The following RHBDF2 variants were observed in gnomAD, a reference collection of about 807,000 sequenced individuals.
RHBDF2 encodes inactive rhomboid protein 2.
RHBDF2 carries 38 observed loss-of-function variants against 95.2 expected under a neutral mutation model. The observed-to-expected ratio is 0.40, with a 90% confidence interval of 0.31 to 0.52. The LOEUF (loss-of-function observed/expected upper bound fraction) is 0.52, where lower values mean the gene tolerates loss of function less well. Ranked by LOEUF, RHBDF2 falls within the 20% of genes least tolerant of loss-of-function variation. The pLI, the probability that RHBDF2 is intolerant of heterozygous loss-of-function variation, is 0.56. For synonymous variants in RHBDF2, 442 were observed against 462.0 expected, an observed-to-expected ratio of 0.96 and a Z score of 0.55; for missense variants, 863 against 1,137.7, an observed-to-expected ratio of 0.76 and a Z score of 3.47.
chr17:76,490,911 T>C (rs1026728912), intron 1 of RHBDF2, among the ~76,000 whole-genome samples: 4 of 152,096 alleles, frequency 2.6e-5, no homozygotes, highest in South Asian at 2.1e-4. Context: ...TTTACCTACA[T>C]GTAGGAGTCC....
Position 76,471,723 on chromosome 17 carries a change from G to T in RHBDF2, c.2394C>A (p.Pro798=). Residue 798 remains proline, a synonymous_variant, in exon 19 of 19, where the codon CCC becomes CCA. Transcript: ENST00000675367. ...AALVLWLYIY[P]INWPWIEHLT... ...GGTGCTCGATCCAGGGCCAGTTAATGGGGTAGATGTACAGCCACAGCACGA... is the reference window on the plus strand; with the variant it reads ...GGTGCTCGATCCAGGGCCAGTTAATTGGGTAGATGTACAGCCACAGCACGA... The T allele has an allele frequency of 6.2e-7, 1 of 1,611,268 alleles. No homozygotes were observed. Among genetic ancestry groups the T allele is most frequent in the Non-Finnish European group, 8.5e-7 (1 of 1,178,888 alleles).
Position 76,473,039 on chromosome 17 carries a change from A to G in RHBDF2, c.1876T>C (p.Tyr626His), listed in dbSNP as rs757896755. 2 of 1,614,120 alleles carry G rather than the reference A, an allele frequency of 1.2e-6. No homozygotes were observed. Among genetic ancestry groups the G allele is most frequent in the Middle Eastern group, 1.7e-4 (1 of 6,058 alleles). ...AGGAAGAGAGACAGCCAGAGCCTGT[A>G]GAACTGATCTGGGACCTCAGGGTTG... is the stretch of plus-strand genomic sequence containing the variant. ...FLNPEVPDQF[Y>H]RLWLSLFLHA... The change falls in exon 17 of 19, where the codon TAC becomes CAC. Residue 626 changes from tyrosine to histidine, a missense_variant. Tyr to His is a moderately conservative substitution (Grantham distance 83). This residue lies in a region of RHBDF2 where 252 missense variants were observed against 412.2 expected (regional missense o/e 0.61). Transcript: ENST00000675367.
intron 2 of RHBDF2, among the ~76,000 whole-genome samples, chr17:76,483,074 C>T (rs541479303): frequency 6.6e-6 from 1 of 151,358 alleles, no homozygotes; most frequent in African/African-American, 2.4e-5. Flanking sequence ...GAGGCTGAGG[C>T]AGGAGAATCA....
At chr17:76,482,946 G>C (rs1391909123) in intron 2 of RHBDF2, among the ~76,000 whole-genome samples, 2 of 152,062 alleles carry the variant, frequency 1.3e-5, no homozygotes, top group East Asian at 3.9e-4. Context: ...AAGGTGGATG[G>C]ATCACTTAAG....
At chr17:76,480,531 T>C (rs1412789455) in intron 3 of RHBDF2, among the ~76,000 whole-genome samples, 2 of 152,080 alleles carry the variant, frequency 1.3e-5, no homozygotes, top group Admixed American at 6.6e-5. Context: ...ATTACAGGCA[T>C]GTGCCACCAC....
chr17:76,476,678 A>G, intron 9 of RHBDF2, 152 bp downstream of exon 9: 1 of 1,183,836 alleles, frequency 8.4e-7, no homozygotes, highest in Non-Finnish European at 1.1e-6. Flanking sequence ...AACCCTTGGG[A>G]CAGGGTGCGC....
chr17:76,473,058 A>G lies in RHBDF2; in HGVS notation c.1857T>C (p.Pro619=). 6.2e-7 allele frequency: 1 copy of G among 1,614,154 alleles called. No individual in the cohort carries two copies. The change falls in exon 17 of 19, where the codon CCT becomes CCC. Residue 619 remains proline (P), a synonymous_variant. Coordinates refer to ENST00000675367, the MANE Select transcript of RHBDF2 (RefSeq NM_001005498.4). ...KVCGLLPFLN[P]EVPDQFYRLW... is the part of the protein sequence containing the mutation. Reference sequence around the variant, plus strand: ...GCCTGTAGAACTGATCTGGGACCTCAGGGTTGAGGAAGGGCAGCAGCCCAC... The same window carrying G: ...GCCTGTAGAACTGATCTGGGACCTCGGGGTTGAGGAAGGGCAGCAGCCCAC...
Position 76,471,361 on chromosome 17 carries a change from A to G in RHBDF2, c.*272T>C, listed in dbSNP as rs1347074858. 2 of 474,810 alleles carry G rather than the reference A, an allele frequency of 4.2e-6. No homozygotes were observed. Among genetic ancestry groups the G allele is most frequent in the Non-Finnish European group, 7.5e-6 (2 of 267,544 alleles). 29.4% of individuals were successfully genotyped at this position (474,810 alleles called of 1,614,324 possible). On this transcript the variant is annotated 3_prime_UTR_variant, in exon 19 of 19. Coordinates refer to ENST00000675367, the MANE Select transcript of RHBDF2 (RefSeq NM_001005498.4). ...TCTCAGCAAGGAGCGGGATATTAGG[A>G]ACTGAGACCCAAGACTCAGAGAGGC...
rs551642591 is a variant in RHBDF2, at chr17:76,475,234, G to A, written c.1116-93C>T. ...CCACCCTGGCCTGGTCACATGGCTC[G>A]CCTGGGCTCCCTGTTCTGCCCCGTC... On this transcript the variant is annotated intron_variant, in intron 9 of 18. Coordinates refer to ENST00000675367, the MANE Select transcript of RHBDF2 (RefSeq NM_001005498.4). 2.6e-4 allele frequency: 224 copies of A among 855,524 alleles called. 1 individual carries two copies. In the African/African-American group the frequency reaches 3.1e-3, roughly 12 times the overall value. The allele number at this position is 855,524 out of a possible 1,614,324, so 53.0% of individuals were successfully genotyped here.
chr17:76,472,976 G>A (rs759695569), intron 17 of RHBDF2, 29 bp downstream of exon 17: 11 of 1,607,724 alleles, frequency 6.8e-6, no homozygotes, highest in Middle Eastern at 3.3e-4. Context: ...CACAGGGGTC[G>A]GGTTCGGGGG....
chr17:76,483,037 C>T lies in RHBDF2; in HGVS notation c.-21-1492G>A, dbSNP rs367631152. 2.6e-5 allele frequency among the ~76,000 whole-genome samples: 4 copies of T among 152,256 alleles called. No homozygotes were observed. The East Asian group carries it at 7.7e-4, about 29-fold the overall frequency. The stretch of plus-strand genomic sequence containing the variant: ...TACAAAAATTAGCCAGGCATAGTGC[C>T]TCATTCCTGTAGTTCCAGCTACTCG... On this transcript the variant is annotated intron_variant, in intron 2 of 18. Coordinates refer to ENST00000675367, the MANE Select transcript of RHBDF2 (RefSeq NM_001005498.4).
intron 2 of RHBDF2, 101 bp from the exon 3 acceptor site, chr17:76,481,646 C>G: frequency 8.7e-7 from 1 of 1,149,836 alleles, no homozygotes; most frequent in Admixed American, 2.7e-5. Context: ...ACCAACTTGC[C>G]TAAAGTTGGT....
intron 2 of RHBDF2, 73 bp from the exon 3 acceptor site, chr17:76,481,618 A>C: frequency 2.2e-6 from 3 of 1,385,606 alleles, no homozygotes; most frequent in Non-Finnish European, 2.9e-6. Context: ...ACGCCAGGGC[A>C]CGCAGCCCAG....
Position 76,473,117 on chromosome 17 carries a change from C to A in RHBDF2, c.1810-12G>T. On this transcript the variant is annotated splice_polypyrimidine_tract_variant and intron_variant, in intron 16 of 18. Coordinates refer to ENST00000675367, the MANE Select transcript of RHBDF2 (RefSeq NM_001005498.4). ...TCCAAGCAGTGCACCTGGGAGTGGG[C>A]ATATGGTGCTCAGCGCCCCAGAAGC... The A allele has an allele frequency of 6.2e-7, 1 of 1,609,358 alleles. No homozygotes were observed. The highest frequency in any genetic ancestry group is 1.3e-5 in the African/African-American group (1 of 74,934).
At chr17:76,491,774 T>C (rs2144386296) in intron 1 of RHBDF2, among the ~76,000 whole-genome samples, 1 of 152,286 alleles carries the variant, frequency 6.6e-6, no homozygotes, top group Non-Finnish European at 1.5e-5. Context: ...GCCCCTTCCT[T>C]GGGGCTCAGC....
chr17:76,501,077 G>A (rs1349215908), intron 1 of RHBDF2: 2 of 152,234 alleles, frequency 1.3e-5, no homozygotes, highest in East Asian at 1.9e-4. Flanking sequence ...CTGGCGCCCC[G>A]TCGCCCAGGG....
intron 3 of RHBDF2, 197 bp from the exon 4 acceptor site, chr17:76,480,051 G>GCA (rs1555616414): frequency 7.5e-5 from 3 of 39,858 alleles, no homozygotes; most frequent in Non-Finnish European, 1.5e-4. Flanking sequence ...GTTTGTATAT[G>GCA]TATATATATA....
At chr17:76,489,032 A>C (rs2074225420) in intron 1 of RHBDF2, among the ~76,000 whole-genome samples, 1 of 152,016 alleles carries the variant, frequency 6.6e-6, no homozygotes, top group African/African-American at 2.4e-5. Flanking sequence ...AGGCTGAGGC[A>C]GGAGAGTTAC....
chr17:76,488,731 G>A (rs939138834), intron 1 of RHBDF2, among the ~76,000 whole-genome samples: 6 of 152,082 alleles, frequency 3.9e-5, no homozygotes, highest in East Asian at 3.9e-4. Flanking sequence ...GGTGGATCAC[G>A]AGGTCAGGAG....
Sources: allele counts gnomAD v4.1 joint callset (sites outside exome capture counted in the v4.1 genomes callset), GRCh38; gene constraint gnomAD v4.1.1; regional missense constraint gnomAD v4.1.1; transcripts MANE v1.5; gene names NCBI Gene and HGNC (gene_info 2026-07-23, HGNC 2026-07-21).